Variants in CNTNAP5 observed in about 807,000 individuals in gnomAD.
CNTNAP5 encodes the protein contactin-associated protein-like 5.
Under a neutral mutation model 150.2 loss-of-function variants are expected in CNTNAP5, and 72 were observed. The ratio of observed to expected loss-of-function variants is 0.48; its 90% CI spans 0.40 to 0.58. The LOEUF is 0.58. CNTNAP5 is among the 20% of genes least tolerant of loss of function. The pLI is 0.00. For missense variants in CNTNAP5, 1,636 were observed against 1,626.2 expected (o/e 1.01, Z -0.10); for synonymous variants, 672 against 619.8 (o/e 1.08, Z -1.25).
chr2:124,672,599 G>C (rs1678847924), intron 13 of CNTNAP5, among the ~76,000 whole-genome samples: 1 of 152,184 alleles, frequency 6.6e-6, no homozygotes, highest in Non-Finnish European at 1.5e-5. Flanking sequence ...TTAGGGCACA[G>C]CTAAGGCAAG....
chr2:124,717,917 A>C (rs1679977324), intron 13 of CNTNAP5, among the ~76,000 whole-genome samples: 1 of 152,192 alleles, frequency 6.6e-6, no homozygotes, highest in African/African-American at 2.4e-5. Flanking sequence ...CACAATAAAA[A>C]CTAGATACCT....
intron 19 of CNTNAP5, among the ~76,000 whole-genome samples, 183 bp downstream of exon 19, chr2:124,798,503 C>T (rs886751834): frequency 9.2e-5 from 14 of 152,170 alleles, no homozygotes; most frequent in Admixed American, 5.2e-4. Flanking sequence ...TATTCAGGGC[C>T]AGTGTCAATT....
intron 13 of CNTNAP5, among the ~76,000 whole-genome samples, chr2:124,648,385 G>A (rs1678250812): frequency 6.6e-6 from 1 of 152,112 alleles, no homozygotes; most frequent in South Asian, 2.1e-4. Context: ...TTATGTCTGG[G>A]GTGGAGGATG....
chr2:124,871,657 G>A (rs966946808), intron 21 of CNTNAP5, among the ~76,000 whole-genome samples: 4 of 152,090 alleles, frequency 2.6e-5, no homozygotes, highest in Admixed American at 6.6e-5. Flanking sequence ...CAAGAAGTCC[G>A]CTGTCCATCT....
chr2:124,701,842 T>C (rs1679527897), intron 13 of CNTNAP5, among the ~76,000 whole-genome samples: 1 of 152,072 alleles, frequency 6.6e-6, no homozygotes, highest in Non-Finnish European at 1.5e-5. Context: ...TTTACATGTT[T>C]TTGCCCATAT....
At chr2:124,606,998 A>C (rs1037352140) in intron 11 of CNTNAP5, among the ~76,000 whole-genome samples, 1 of 152,214 alleles carries the variant, frequency 6.6e-6, no homozygotes, top group Non-Finnish European at 1.5e-5. Flanking sequence ...GCTCATATTA[A>C]TCAAGCACTT....
chr2:124,902,855 G>A (rs1244430817), intron 21 of CNTNAP5, 27 bp from the exon 22 acceptor site: 1 of 1,537,444 alleles, frequency 6.5e-7, no homozygotes, highest in Non-Finnish European at 8.9e-7. Context: ...AAAAGTAAAG[G>A]ACTTCTGATT....
At chr2:124,272,998 T>C (rs1303605212) in intron 3 of CNTNAP5, among the ~76,000 whole-genome samples, 1 of 152,148 alleles carries the variant, frequency 6.6e-6, no homozygotes, top group African/African-American at 2.4e-5. Flanking sequence ...CAAAGGATAG[T>C]GCTAAAATAT....
At chr2:124,573,100 A>C (rs971251625) in intron 11 of CNTNAP5, among the ~76,000 whole-genome samples, 1 of 152,218 alleles carries the variant, frequency 6.6e-6, no homozygotes, top group African/African-American at 2.4e-5. Flanking sequence ...CCTTAGTTCT[A>C]GATGGCTTGA....
chr2:124,671,840 A>G (rs1678830005), intron 13 of CNTNAP5, among the ~76,000 whole-genome samples: 2 of 152,044 alleles, frequency 1.3e-5, no homozygotes, highest in East Asian at 1.9e-4. Context: ...GAGTTTCATT[A>G]TGTTGGCCAG....
chr2:124,198,126 T>G (rs904360673), intron 1 of CNTNAP5, among the ~76,000 whole-genome samples: 1 of 152,132 alleles, frequency 6.6e-6, no homozygotes, highest in South Asian at 2.1e-4. Context: ...CATTTCCACT[T>G]TAATTTTTAT....
At chr2:124,686,765 G>A (rs1679201147) in intron 13 of CNTNAP5, among the ~76,000 whole-genome samples, 1 of 152,180 alleles carries the variant, frequency 6.6e-6, no homozygotes, top group Non-Finnish European at 1.5e-5. Context: ...CAATAGATAT[G>A]TGGAGCTTTG....
intron 11 of CNTNAP5, among the ~76,000 whole-genome samples, chr2:124,582,842 A>G (rs750969314): frequency 1.3e-5 from 2 of 152,208 alleles, no homozygotes; most frequent in Non-Finnish European, 2.9e-5. Context: ...TAACACTTTT[A>G]TTTCCTTACA....
chr2:124,882,340 C>T (rs1449384928), intron 21 of CNTNAP5, among the ~76,000 whole-genome samples: 1 of 152,044 alleles, frequency 6.6e-6, no homozygotes, highest in Non-Finnish European at 1.5e-5. Flanking sequence ...GCTGAGATGA[C>T]AGGAGGGGGG....
At chr2:124,530,701 G>T (rs897381455) in intron 10 of CNTNAP5, among the ~76,000 whole-genome samples, 5 of 152,128 alleles carry the variant, frequency 3.3e-5, no homozygotes, top group Non-Finnish European at 7.3e-5. Flanking sequence ...GGCAGGATGG[G>T]AGAAGGAAGC....
chr2:124,716,422 C>G (rs1001734775), intron 13 of CNTNAP5, among the ~76,000 whole-genome samples: 1 of 151,960 alleles, frequency 6.6e-6, no homozygotes. Context: ...AGAACACCTG[C>G]TTCTGTGAAA....
intron 19 of CNTNAP5, among the ~76,000 whole-genome samples, chr2:124,851,097 G>A (rs2104703305): frequency 6.6e-6 from 1 of 152,312 alleles, no homozygotes; most frequent in East Asian, 1.9e-4. Context: ...GGGCGCAATG[G>A]CTCATGCCTG....
intron 3 of CNTNAP5, among the ~76,000 whole-genome samples, chr2:124,358,787 A>C (rs372483730): frequency 6.0e-5 from 9 of 151,074 alleles, no homozygotes; most frequent in South Asian, 4.2e-4. Context: ...TGTCTCTGCC[A>C]GGCTTTGGTA....
Position 124,319,890 on chromosome 2 carries a change from C to T in CNTNAP5, c.381+77497C>T, listed in dbSNP as rs554040306. Among the ~76,000 whole-genome samples the T allele has an allele frequency of 1.1e-3, 171 of 152,350 alleles. 4 individuals carry two copies. In the South Asian group the frequency reaches 0.034, roughly 30 times the overall value. ...GGCTATGTTTTTATAACTCCTTCCA[C>T]AGCTTTATAACTATATATTAAAAGG... On this transcript the variant is annotated intron_variant, in intron 3 of 23. Transcript: ENST00000682447.
Sources: allele counts gnomAD v4.1 joint callset (sites outside exome capture counted in the v4.1 genomes callset), GRCh38; gene constraint gnomAD v4.1.1; transcripts MANE v1.5; gene names NCBI Gene and HGNC (gene_info 2026-07-23, HGNC 2026-07-21).